B9D1: variants seen among roughly 807,000 people sequenced by gnomAD.
B9D1 encodes B9 domain-containing protein 1.
In B9D1, 20 loss-of-function variants were observed where a neutral mutation model predicts 26.1. The ratio of observed to expected loss-of-function variants is 0.77; its 90% CI spans 0.54 to 1.12. The LOEUF (loss-of-function observed/expected upper bound fraction) is 1.12. Among genes scored for constraint, B9D1 ranks in the 50% most tolerant of loss-of-function variants. The pLI, the probability that B9D1 is intolerant of heterozygous loss-of-function variation, is 0.00. For synonymous variants in B9D1, 105 were observed against 103.1 expected (o/e 1.02, Z -0.11); for missense variants, 260 against 273.7 (o/e 0.95, Z 0.35).
Position 19,343,786 on chromosome 17 carries a change from T to G in B9D1, c.472+4A>C. The G allele has an allele frequency of 6.2e-7, 1 of 1,612,882 alleles. No individual in the cohort carries two copies. The highest frequency in any genetic ancestry group is 8.5e-7 in the Non-Finnish European group (1 of 1,179,178). ...TGGGGGTAAGAGAGGGGAGGGAGCTTTACCTTCCCGGCCTTCACCCTGAGC... is the reference window on the plus strand; with the variant it reads ...TGGGGGTAAGAGAGGGGAGGGAGCTGTACCTTCCCGGCCTTCACCCTGAGC... On this transcript the variant is annotated splice_donor_region_variant and intron_variant, in intron 6 of 6. Transcript: ENST00000261499.
chr17:19,350,507 C>T (rs1909458553), intron 3 of B9D1, among the ~76,000 whole-genome samples: 1 of 152,028 alleles, frequency 6.6e-6, no homozygotes, highest in South Asian at 2.1e-4. Flanking sequence ...CGTGCCACTG[C>T]ACTCCAGCCT....
intron 3 of B9D1, among the ~76,000 whole-genome samples, chr17:19,354,785 G>A (rs979361435): frequency 1.3e-5 from 2 of 152,222 alleles, no homozygotes; most frequent in African/African-American, 2.4e-5. Context: ...CCGAGATCGC[G>A]CCACTGCACT....
chr17:19,357,065 G>A (rs1378639554), intron 3 of B9D1, among the ~76,000 whole-genome samples: 1 of 152,242 alleles, frequency 6.6e-6, no homozygotes, highest in Non-Finnish European at 1.5e-5. Context: ...TGTGAAATCA[G>A]ATGGGCCTGA....
At chr17:19,362,417 T>C (rs951866292) in intron 1 of B9D1, 90 bp downstream of exon 1, 2 of 951,372 alleles carry the variant, frequency 2.1e-6, no homozygotes, top group Non-Finnish European at 3.1e-6. Context: ...GACGTGGCTC[T>C]CCGGGGGCCA....
downstream of B9D1, chr17:19,336,063 GC>G (rs1462145763): frequency 6.6e-6 from 1 of 152,306 alleles, no homozygotes; most frequent in Non-Finnish European, 1.5e-5. Context: ...TCTCTGGGCT[GC>G]TGGGACATGC....
intron 1 of B9D1, among the ~76,000 whole-genome samples, chr17:19,369,029 A>G (rs937117057): frequency 8.5e-5 from 13 of 152,200 alleles, no homozygotes; most frequent in Non-Finnish European, 1.8e-4. Context: ...TAAGAGCTAC[A>G]TTTTCCCCCT....
rs750536198 is a variant in B9D1 at position 19,370,280 on chromosome 17, C to T, written c.-298+7579G>A. Among the ~76,000 whole-genome samples the T allele has an allele frequency of 1.3e-5, 2 of 152,182 alleles. No homozygotes were observed. The highest frequency in any genetic ancestry group is 2.9e-5 in the Non-Finnish European group (2 of 68,030). ...GCAGAGTGGCTTCTCAGGGTGCACA[C>T]GGGGGAGATGTCGTAGGACAACTGG... On this transcript the variant is annotated intron_variant, in intron 1 of 5. Transcript: ENST00000477478. The surrounding 1 kb of genome is among the most constrained non-coding windows in gnomAD (Gnocchi z 5.1).
At chr17:19,377,328 A>G (rs1334022377) in intron 1 of B9D1, among the ~76,000 whole-genome samples, 2 of 152,228 alleles carry the variant, frequency 1.3e-5, no homozygotes, top group African/African-American at 4.8e-5. Flanking sequence ...CTGTGAATAT[A>G]CCAAAAAACA....
intron 3 of B9D1, among the ~76,000 whole-genome samples, chr17:19,356,100 C>CT (rs202098322): frequency 2.3e-4 from 35 of 151,154 alleles, no homozygotes; most frequent in African/African-American, 5.6e-4. Context: ...AGTTTTCTTT[C>CT]TTTTTTTTTG....
chr17:19,354,849 T>C (rs981900394), intron 3 of B9D1, among the ~76,000 whole-genome samples: 1 of 152,078 alleles, frequency 6.6e-6, no homozygotes, highest in African/African-American at 2.4e-5. Flanking sequence ...AAAAAAAAGA[T>C]TTTCTTTTTG....
At chr17:19,346,920 G>A in intron 5 of B9D1, 3 of 1,450,126 alleles carry the variant, frequency 2.1e-6, no homozygotes, top group Non-Finnish European at 2.7e-6. Flanking sequence ...CATGATTACT[G>A]TTCCAAGGTG....
At chr17:19,335,319 C>T, downstream of B9D1, 2 of 1,372,106 alleles carry the variant, frequency 1.5e-6, no homozygotes, top group Non-Finnish European at 2.0e-6. Flanking sequence ...ACGAATATAC[C>T]AACATCCTGA....
intron 1 of B9D1, among the ~76,000 whole-genome samples, chr17:19,361,313 GT>G (rs1240271789): frequency 6.6e-6 from 1 of 152,108 alleles, no homozygotes; most frequent in African/African-American, 2.4e-5. Flanking sequence ...TCGCCACCTG[GT>G]TTTCCACAAA....
chr17:19,376,377 C>A (rs1176842078), intron 1 of B9D1, among the ~76,000 whole-genome samples: 1 of 152,076 alleles, frequency 6.6e-6, no homozygotes, highest in Admixed American at 6.5e-5. Context: ...CCTTATTATA[C>A]CCCTCCAACA....
At chr17:19,358,522 C>A (rs994439918) in intron 2 of B9D1, among the ~76,000 whole-genome samples, 2 of 152,196 alleles carry the variant, frequency 1.3e-5, no homozygotes, top group African/African-American at 4.8e-5. Flanking sequence ...CATTAATGCC[C>A]GTGACCAACA....
rs1188170876 is a variant in B9D1 at position 19,345,687 on chromosome 17, TC to T, written c.404+1581del. 5.3e-5 allele frequency among the ~76,000 whole-genome samples: 8 copies of T among 152,336 alleles called. No homozygotes were observed. In the East Asian group the frequency reaches 1.5e-3, roughly 29 times the overall value. On this transcript the variant is annotated intron_variant, in intron 5 of 6. Transcript: ENST00000261499. ...GGGCCCAGTGACCTGGATTTTGAAC[TC>T]TGGCCTTCAGCATACATTTCTGCTG...
intron 3 of B9D1, 140 bp from the exon 4 acceptor site, chr17:19,348,020 A>G: frequency 1.3e-6 from 1 of 747,226 alleles, no homozygotes; most frequent in South Asian, 1.5e-5. Context: ...AGGGGACAGG[A>G]GCAGGCATGG....
chr17:19,377,355 A>G (rs2152287710), intron 1 of B9D1, among the ~76,000 whole-genome samples: 1 of 152,358 alleles, frequency 6.6e-6, no homozygotes, highest in African/African-American at 2.4e-5. Context: ...TGTACACTAT[A>G]AAAGGATGAG....
downstream of B9D1, among the ~76,000 whole-genome samples, chr17:19,337,910 G>A (rs974644350): frequency 6.6e-6 from 1 of 152,142 alleles, no homozygotes; most frequent in African/African-American, 2.4e-5. Flanking sequence ...TAGTGGTGGA[G>A]GGTGGGAGGT....
Sources: allele counts gnomAD v4.1 joint callset (sites outside exome capture counted in the v4.1 genomes callset), GRCh38; gene constraint gnomAD v4.1.1; non-coding constraint Gnocchi (gnomAD v3.1); transcripts MANE v1.5; gene names NCBI Gene and HGNC (gene_info 2026-07-23, HGNC 2026-07-21).